Variants in GRID1 observed in about 807,000 individuals in gnomAD.
The protein encoded by GRID1 is glutamate receptor ionotropic, delta-1.
GRID1 carries 28 observed loss-of-function variants against 98.0 expected under a neutral mutation model. The observed-to-expected ratio is 0.29, with a 90% CI of 0.21 to 0.39. The LOEUF (loss-of-function observed/expected upper bound fraction) is 0.39, where lower values mean the gene tolerates loss of function less well. Ranked by LOEUF, GRID1 falls within the 10% of genes least tolerant of loss-of-function variation. GRID1 has a pLI of 1.00. For synonymous variants in GRID1, 553 were observed against 538.5 expected (o/e 1.03, Z -0.37); for missense variants, 1,111 against 1,340.5 (o/e 0.83, Z 2.67).
chr10:85,714,617 C>G (rs1456840254), intron 12 of GRID1, among the ~76,000 whole-genome samples: 3 of 151,584 alleles, frequency 2.0e-5, no homozygotes, highest in Non-Finnish European at 4.4e-5. Flanking sequence ...TATTTGCAAA[C>G]AAATCAAAAA....
Position 85,869,088 on chromosome 10 carries a change from A to G in GRID1, c.873T>C (p.Asn291=). 6.2e-7 allele frequency: 1 copy of G among 1,613,930 alleles called. No homozygotes were observed. The highest frequency in any genetic ancestry group is 8.5e-7 in the Non-Finnish European group (1 of 1,179,910). ...GGTGGTTGTTCCTCGTGCATTTCTG[A>G]TTGTCCTTTGCAGACGGAAAGATTT... ...VRQIFPSAKD[N]QKCTRNNHRI... is the part of the protein sequence containing the mutation. The change falls in exon 6 of 16, where the codon AAT becomes AAC. Residue 291 remains asparagine (N), a synonymous_variant. Coordinates refer to ENST00000327946, the MANE Select transcript of GRID1 (RefSeq NM_017551.3).
intron 8 of GRID1, among the ~76,000 whole-genome samples, chr10:85,772,388 C>T (rs1306833484): frequency 6.6e-6 from 1 of 151,112 alleles, no homozygotes; most frequent in Non-Finnish European, 1.5e-5. Context: ...CCAAAATTGA[C>T]ACCCTAATGT....
chr10:85,729,250 C>T (rs1841796384), intron 9 of GRID1, among the ~76,000 whole-genome samples: 2 of 152,150 alleles, frequency 1.3e-5, no homozygotes, highest in African/African-American at 4.8e-5. Flanking sequence ...CCCTCTGGTC[C>T]TCAGAGGAAG....
At chr10:86,143,408 G>A (rs1223623364) in intron 3 of GRID1, among the ~76,000 whole-genome samples, 1 of 151,762 alleles carries the variant, frequency 6.6e-6, no homozygotes, top group Non-Finnish European at 1.5e-5. Flanking sequence ...AAACCTGACT[G>A]TCTGCTGCTG....
intron 4 of GRID1, among the ~76,000 whole-genome samples, chr10:86,030,559 T>C (rs145938322): frequency 1.3e-5 from 2 of 152,280 alleles, no homozygotes; most frequent in South Asian, 2.1e-4. Flanking sequence ...CAGGGACCCT[T>C]AGATCAACCC....
At chr10:86,252,503 A>T (rs924331137) in intron 2 of GRID1, among the ~76,000 whole-genome samples, 1 of 152,216 alleles carries the variant, frequency 6.6e-6, no homozygotes, top group Non-Finnish European at 1.5e-5. Flanking sequence ...TGCATGAATA[A>T]ACAGATGAAT....
At chr10:86,148,895 C>A (rs11201909) in intron 3 of GRID1, among the ~76,000 whole-genome samples, 30,199 of 152,100 alleles carry the variant, frequency 0.2, 3,391 homozygotes, top group Middle Eastern at 0.32. Flanking sequence ...TGGACAACCA[C>A]CTCTCTGAGC....
chr10:86,214,107 C>T (rs1207440695), intron 2 of GRID1, among the ~76,000 whole-genome samples: 4 of 152,308 alleles, frequency 2.6e-5, no homozygotes, highest in African/African-American at 9.6e-5. Flanking sequence ...AGTGGACTGG[C>T]CTTTATAAAG....
chr10:85,982,210 T>A (rs1402746277), intron 4 of GRID1, among the ~76,000 whole-genome samples: 4 of 141,438 alleles, frequency 2.8e-5, no homozygotes, highest in Admixed American at 2.8e-4. Flanking sequence ...AAAAAAAAAA[T>A]TGGGTAAACT....
At chr10:85,910,891 A>T (rs1172862819) in intron 5 of GRID1, among the ~76,000 whole-genome samples, 1 of 152,212 alleles carries the variant, frequency 6.6e-6, no homozygotes, top group Non-Finnish European at 1.5e-5. Context: ...TGTTAAGCAG[A>T]TGTCTGCAAG....
intron 4 of GRID1, among the ~76,000 whole-genome samples, chr10:86,095,788 A>G (rs1450284805): frequency 6.6e-6 from 1 of 152,226 alleles, no homozygotes; most frequent in Non-Finnish European, 1.5e-5. Flanking sequence ...TACAGCCACT[A>G]TGGAAAACAG....
intron 12 of GRID1, among the ~76,000 whole-genome samples, chr10:85,715,906 CT>C (rs55700928): frequency 0.54 from 79,716 of 147,142 alleles, 21,433 homozygotes; most frequent in Middle Eastern, 0.62. Flanking sequence ...TAGAACTAAC[CT>C]TTTTTTTTTT....
At chr10:85,814,534 T>C (rs1388054642) in intron 8 of GRID1, among the ~76,000 whole-genome samples, 4 of 151,934 alleles carry the variant, frequency 2.6e-5, no homozygotes, top group Admixed American at 1.3e-4. Context: ...GTAAGATTGA[T>C]AAACCTCTAG....
At chr10:85,759,860 G>T (rs1842131456) in intron 8 of GRID1, among the ~76,000 whole-genome samples, 2 of 152,326 alleles carry the variant, frequency 1.3e-5, no homozygotes, top group South Asian at 4.1e-4. Flanking sequence ...GCTAATTAGT[G>T]ATGACATTTT....
intron 8 of GRID1, among the ~76,000 whole-genome samples, chr10:85,837,304 C>T (rs1281812186): frequency 3.3e-5 from 5 of 152,194 alleles, no homozygotes; most frequent in African/African-American, 7.2e-5. Context: ...TCCAGCACAA[C>T]AGTGCACATA....
chr10:85,883,893 T>G (rs1841074875), intron 5 of GRID1, among the ~76,000 whole-genome samples: 2 of 152,186 alleles, frequency 1.3e-5, no homozygotes. Context: ...TCCTTCTGCA[T>G]AGTGTGTTCA....
chr10:85,992,615 T>TG (rs553943841), intron 4 of GRID1, among the ~76,000 whole-genome samples: 10,385 of 143,956 alleles, frequency 0.072, 393 homozygotes, highest in East Asian at 0.17. Flanking sequence ...TGAGGAGAGG[T>TG]GGGGGGGGAA....
At chr10:86,043,872 G>A (rs995385729) in intron 4 of GRID1, among the ~76,000 whole-genome samples, 2 of 152,118 alleles carry the variant, frequency 1.3e-5, no homozygotes. Context: ...ATCCCCAAGC[G>A]ATATGAGCAT....
chr10:85,967,102 G>A (rs191014001), intron 4 of GRID1, among the ~76,000 whole-genome samples: 4 of 152,154 alleles, frequency 2.6e-5, no homozygotes, highest in Non-Finnish European at 4.4e-5. Flanking sequence ...CTGCTGCCAC[G>A]TAAGATATAT....
Sources: gnomAD v4.1 joint callset for allele counts (sites outside exome capture counted in the v4.1 genomes callset) on GRCh38, gnomAD v4.1.1 for gene constraint, MANE v1.5 for transcripts, NCBI Gene and HGNC (gene_info 2026-07-23, HGNC 2026-07-21) for gene names.